The following SNTB1 variants were observed in gnomAD, a reference collection of about 807,000 sequenced individuals.
SNTB1 encodes the protein beta-1-syntrophin.
Under a neutral mutation model 48.9 loss-of-function variants are expected in SNTB1, and 36 were observed. The observed-to-expected ratio is 0.74, with a 90% CI of 0.56 to 0.97. The LOEUF is 0.97. Among genes scored for constraint, SNTB1 ranks in the 50% least tolerant of loss-of-function variants. SNTB1 has a pLI of 0.00. For synonymous variants in SNTB1, 299 were observed against 294.6 expected (o/e 1.01, Z -0.15); for missense variants, 786 against 703.4 (o/e 1.12, Z -1.33).
intron 3 of SNTB1, among the ~76,000 whole-genome samples, chr8:120,616,343 G>T: frequency 6.8e-6 from 1 of 146,010 alleles, no homozygotes. Flanking sequence ...TCTTTCACAT[G>T]GCCTGGGGTA....
At position 120,773,453 on chromosome 8, in the gene SNTB1, C is replaced by T. The variant is rs530900251; in HGVS notation, c.571+37820G>A. Among the ~76,000 whole-genome samples the T allele has an allele frequency of 2.2e-4, 34 of 152,366 alleles. 1 individual carries two copies. Among genetic ancestry groups the T allele is most frequent in the African/African-American group, 7.9e-4 (33 of 41,590 alleles). ...GAATTCCAGATTGTGTGGCTGACCA[C>T]AGTCCAGAAGTGAAACTTCAGATGA... On this transcript the variant is annotated intron_variant, in intron 1 of 6. Coordinates refer to ENST00000517992, the MANE Select transcript of SNTB1 (RefSeq NM_021021.4).
In SNTB1 at chr8:120,681,885, AAAACAAAC is replaced by A. The variant is rs72091757; in HGVS notation, c.788+11799_788+11806del. 6.3e-3 allele frequency among the ~76,000 whole-genome samples: 949 copies of A among 151,578 alleles called. 9 individuals are homozygous for A. The highest frequency in any genetic ancestry group is 0.022 in the African/African-American group (910 of 41,312). ...ACCTCCAGTAAAGAAGATGAAGATA[AAAACAAAC>A]AAACAAACAAACAAACAGAAAACAG... On this transcript the variant is annotated intron_variant, in intron 2 of 6. Coordinates refer to ENST00000517992, the MANE Select transcript of SNTB1 (RefSeq NM_021021.4).
At chr8:120,585,404 G>A (rs1032323801) in intron 3 of SNTB1, among the ~76,000 whole-genome samples, 13 of 152,318 alleles carry the variant, frequency 8.5e-5, no homozygotes, top group African/African-American at 3.1e-4. Flanking sequence ...CCTGGCATGT[G>A]AGGCTTCACT....
chr8:120,609,243 C>T (rs1022264575), intron 3 of SNTB1, among the ~76,000 whole-genome samples: 5 of 152,156 alleles, frequency 3.3e-5, no homozygotes, highest in African/African-American at 1.2e-4. Flanking sequence ...AAAAACTAGA[C>T]AAGCCAAAGA....
chr8:120,787,845 G>T (rs1442142657), intron 1 of SNTB1, among the ~76,000 whole-genome samples: 1 of 152,148 alleles, frequency 6.6e-6, no homozygotes, highest in Non-Finnish European at 1.5e-5. Flanking sequence ...CCTTGCTAGA[G>T]ATTTAGACAT....
chr8:120,760,141 C>T (rs1187084854), intron 1 of SNTB1, among the ~76,000 whole-genome samples: 2 of 151,982 alleles, frequency 1.3e-5, no homozygotes, highest in African/African-American at 4.8e-5. Context: ...TTACATGTCA[C>T]AAAAAATTAT....
intron 2 of SNTB1, among the ~76,000 whole-genome samples, chr8:120,676,524 C>T (rs949234614): frequency 1.3e-5 from 2 of 152,188 alleles, no homozygotes; most frequent in Admixed American, 6.5e-5. Context: ...AGCAGCAATT[C>T]ATTAGTTCTC....
intron 3 of SNTB1, among the ~76,000 whole-genome samples, chr8:120,596,368 A>C (rs1237010235): frequency 1.3e-5 from 2 of 152,242 alleles, no homozygotes; most frequent in Non-Finnish European, 2.9e-5. Context: ...CAAAAACTTT[A>C]ATAAACTGAG....
intron 1 of SNTB1, among the ~76,000 whole-genome samples, chr8:120,752,669 G>A (rs927481970): frequency 6.6e-6 from 1 of 152,028 alleles, no homozygotes; most frequent in African/African-American, 2.4e-5. Context: ...GGATGCAGCT[G>A]GAGGCCATTA....
intron 1 of SNTB1, among the ~76,000 whole-genome samples, chr8:120,751,606 T>C (rs2130034542): frequency 6.6e-6 from 1 of 152,292 alleles, no homozygotes; most frequent in Non-Finnish European, 1.5e-5. Flanking sequence ...CCATAAGCAT[T>C]TGACTTATGT....
chr8:120,608,455 G>A (rs1219367650), intron 3 of SNTB1, among the ~76,000 whole-genome samples: 3 of 152,176 alleles, frequency 2.0e-5, no homozygotes, highest in Non-Finnish European at 4.4e-5. Context: ...GTCATCATTA[G>A]AAGGAAAGAT....
chr8:120,790,140 A>G (rs1820003760), intron 1 of SNTB1, among the ~76,000 whole-genome samples: 1 of 152,068 alleles, frequency 6.6e-6, no homozygotes, highest in Non-Finnish European at 1.5e-5. Context: ...CAAAAGCCTT[A>G]TGAACATTTC....
chr8:120,541,441 CT>C (rs1815287064), intron 6 of SNTB1, among the ~76,000 whole-genome samples: 1 of 152,160 alleles, frequency 6.6e-6, no homozygotes, highest in Non-Finnish European at 1.5e-5. Context: ...GGGACCATGT[CT>C]TTTACTTTGC....
chr8:120,766,473 C>A (rs2130083061), intron 1 of SNTB1, among the ~76,000 whole-genome samples: 1 of 152,216 alleles, frequency 6.6e-6, no homozygotes, highest in Non-Finnish European at 1.5e-5. Context: ...ATTGATTATA[C>A]ATTTATAATC....
At chr8:120,642,696 C>T (rs536003377) in intron 2 of SNTB1, among the ~76,000 whole-genome samples, 6 of 152,138 alleles carry the variant, frequency 3.9e-5, no homozygotes, top group Admixed American at 1.3e-4. Flanking sequence ...GAGGATTACT[C>T]GAGCTCAGGA....
chr8:120,571,404 G>A (rs1480920174), intron 4 of SNTB1: 18 of 1,146,020 alleles, frequency 1.6e-5, no homozygotes, highest in South Asian at 5.2e-5. Context: ...CGATTGGGCC[G>A]AATTCTCATG....
chr8:120,575,326 T>G (rs1243745762), intron 3 of SNTB1, 101 bp from the exon 4 acceptor site: 1 of 1,366,956 alleles, frequency 7.3e-7, no homozygotes, highest in Non-Finnish European at 1.0e-6. Context: ...ATACATTGAG[T>G]GTCTTTTGGT....
intron 4 of SNTB1, among the ~76,000 whole-genome samples, chr8:120,550,336 G>A (rs1242646482): frequency 6.6e-6 from 1 of 151,986 alleles, no homozygotes; most frequent in Non-Finnish European, 1.5e-5. Context: ...GAGGTCAGAA[G>A]TTTGAGACCA....
intron 3 of SNTB1, among the ~76,000 whole-genome samples, chr8:120,627,369 C>T (rs1193525939): frequency 6.6e-6 from 1 of 152,086 alleles, no homozygotes; most frequent in Non-Finnish European, 1.5e-5. Context: ...CCCTAATCTG[C>T]CCTATGAAAT....
Sources: gnomAD v4.1 joint callset for allele counts (sites outside exome capture counted in the v4.1 genomes callset) on GRCh38, gnomAD v4.1.1 for gene constraint, MANE v1.5 for transcripts, NCBI Gene and HGNC (gene_info 2026-07-23, HGNC 2026-07-21) for gene names.